STT3B: variants seen among roughly 807,000 people sequenced by gnomAD.
STT3B encodes the protein STT3 oligosaccharyltransferase complex catalytic subunit B, also known as dolichyl-diphosphooligosaccharide--protein glycosyltransferase subunit STT3B.
Under a neutral mutation model 96.8 loss-of-function variants are expected in STT3B, and 29 were observed. The observed-to-expected ratio is 0.30, with a 90% CI of 0.22 to 0.41. The LOEUF (loss-of-function observed/expected upper bound fraction) is 0.41. STT3B is among the 10% of genes least tolerant of loss of function. STT3B has a pLI of 1.00. For missense variants in STT3B, 640 were observed against 1,022.3 expected (o/e 0.63, Z 5.10); for synonymous variants, 367 against 360.0 (o/e 1.02, Z -0.22).
chr3:31,602,276 A>C (rs1698945012), intron 5 of STT3B, among the ~76,000 whole-genome samples: 1 of 152,130 alleles, frequency 6.6e-6, no homozygotes, highest in Non-Finnish European at 1.5e-5. Flanking sequence ...GGGATCCAGA[A>C]AGGAGAATAA....
intron 5 of STT3B, among the ~76,000 whole-genome samples, chr3:31,602,803 G>A (rs1314824087): frequency 1.3e-5 from 2 of 151,430 alleles, no homozygotes; most frequent in Non-Finnish European, 2.9e-5. Context: ...TGTTCATAAT[G>A]TTCAAATTCT....
intron 14 of STT3B, among the ~76,000 whole-genome samples, chr3:31,630,166 G>T (rs1005742617): frequency 1.3e-5 from 2 of 152,118 alleles, no homozygotes; most frequent in African/African-American, 2.4e-5. Context: ...AGTTAATTTT[G>T]AGCTGAAGGC....
At chr3:31,546,008 C>T (rs1302801435) in intron 1 of STT3B, among the ~76,000 whole-genome samples, 1 of 152,086 alleles carries the variant, frequency 6.6e-6, no homozygotes, top group African/African-American at 2.4e-5. Flanking sequence ...TCCTCTTTGA[C>T]TTTCATTTAT....
rs765124997 is a variant in STT3B at position 31,636,045 on chromosome 3, T to C, written c.2462T>C (p.Ile821Thr). The C allele has an allele frequency of 2.5e-6, 4 of 1,608,820 alleles. No homozygotes were observed. Among genetic ancestry groups the C allele is most frequent in the Admixed American group, 1.7e-5 (1 of 59,368 alleles). Residue 821 changes from isoleucine (I) to threonine (T), a missense_variant, in exon 16 of 16, where the codon ATA (isoleucine) becomes ACA (threonine). Physicochemically the swap from Ile to Thr is moderately conservative, Grantham distance 89. Transcript: ENST00000295770. Reference sequence around the variant, plus strand: ...CTGGTTTTTAAGAAAGGCAAGAAAATATCTAAGAAGACTGTTTAAATGCAC... The same window carrying C: ...CTGGTTTTTAAGAAAGGCAAGAAAACATCTAAGAAGACTGTTTAAATGCAC... Reference protein sequence around the residue: ...NKLVFKKGKKISKKTV With the variant: ...NKLVFKKGKKTSKKTV
At chr3:31,545,980 G>C (rs1697403080) in intron 1 of STT3B, among the ~76,000 whole-genome samples, 1 of 152,098 alleles carries the variant, frequency 6.6e-6, no homozygotes, top group African/African-American at 2.4e-5. Flanking sequence ...TTAAAAAATG[G>C]TATTAGCTTA....
rs143224410 is a variant in STT3B at position 31,608,901 on chromosome 3, G to C, written c.878-6204G>C. On this transcript the variant is annotated intron_variant, in intron 5 of 15. Coordinates refer to ENST00000295770, the MANE Select transcript of STT3B (RefSeq NM_178862.3). ...GGAGGCTGAGTTGGGTGGATCACGAGGTCAAGAGATCGAGACCATCCTGGC... is the reference window on the plus strand; with the variant it reads ...GGAGGCTGAGTTGGGTGGATCACGACGTCAAGAGATCGAGACCATCCTGGC... 4.4e-3 allele frequency among the ~76,000 whole-genome samples: 669 copies of C among 152,220 alleles called. 3 individuals are homozygous for C. Among genetic ancestry groups the C allele is most frequent in the African/African-American group, 0.014 (585 of 41,554 alleles).
chr3:31,595,332 A>C (rs1698761820), intron 3 of STT3B, among the ~76,000 whole-genome samples: 1 of 152,198 alleles, frequency 6.6e-6, no homozygotes. Flanking sequence ...TACCATACTT[A>C]CAAAGTCCTA....
At chr3:31,612,794 G>A (rs1220615091) in intron 5 of STT3B, among the ~76,000 whole-genome samples, 4 of 152,148 alleles carry the variant, frequency 2.6e-5, no homozygotes, top group Non-Finnish European at 5.9e-5. Context: ...TACCAAACAT[G>A]ATTGCTAAAA....
chr3:31,624,652 C>T (rs1054574899), intron 11 of STT3B, among the ~76,000 whole-genome samples: 1 of 147,986 alleles, frequency 6.8e-6, no homozygotes, highest in African/African-American at 2.5e-5. Context: ...TACCCCAGAA[C>T]TACTGAATCA....
intron 3 of STT3B, among the ~76,000 whole-genome samples, chr3:31,582,652 A>AT (rs1014655584): frequency 4.1e-4 from 60 of 146,332 alleles, no homozygotes; most frequent in South Asian, 6.5e-4. Context: ...TTGACTTGAG[A>AT]TTTTTTTTTT....
At chr3:31,598,608 A>T (rs1224683785) in intron 4 of STT3B, among the ~76,000 whole-genome samples, 1 of 152,198 alleles carries the variant, frequency 6.6e-6, no homozygotes, top group African/African-American at 2.4e-5. Flanking sequence ...GTAGTTAAAG[A>T]TCATGCATAA....
At chr3:31,614,277 G>A (rs568775529) in intron 5 of STT3B, among the ~76,000 whole-genome samples, 47 of 151,964 alleles carry the variant, frequency 3.1e-4, no homozygotes, top group Middle Eastern at 3.4e-3. Flanking sequence ...TAGTTTTTAC[G>A]TTAACTTATT....
At chr3:31,563,910 A>G (rs1197092046) in intron 1 of STT3B, among the ~76,000 whole-genome samples, 3 of 152,072 alleles carry the variant, frequency 2.0e-5, no homozygotes, top group East Asian at 1.9e-4. Flanking sequence ...GGTTCAAGCA[A>G]TTCTTCTGCC....
At chr3:31,598,812 C>CT (rs1396789758) in intron 4 of STT3B, among the ~76,000 whole-genome samples, 4,572 of 143,286 alleles carry the variant, frequency 0.032, 147 homozygotes, top group African/African-American at 0.082. Context: ...AATTTACTTA[C>CT]TTTTTTTTTT....
rs370825220 is a variant in STT3B, at chr3:31,614,474, ATACT to A, written c.878-628_878-625del. On this transcript the variant is annotated intron_variant, in intron 5 of 15. Transcript: ENST00000295770. Reference sequence around the variant, plus strand: ...TTTAGATTGATGAGAATACTATAACATACTTAGTGTGAAAAGAAGTGAGTTTCTT... The same window carrying A: ...TTTAGATTGATGAGAATACTATAACATAGTGTGAAAAGAAGTGAGTTTCTT... Among the ~76,000 whole-genome samples the A allele has an allele frequency of 5.3e-3, 808 of 152,076 alleles. 10 individuals carry two copies. The highest frequency in any genetic ancestry group is 0.018 in the African/African-American group (751 of 41,542).
chr3:31,620,535 T>C (rs2125474871), intron 9 of STT3B, among the ~76,000 whole-genome samples: 1 of 152,288 alleles, frequency 6.6e-6, no homozygotes, highest in Non-Finnish European at 1.5e-5. Flanking sequence ...AAGGATCACC[T>C]TTCACTAAAC....
chr3:31,590,245 A>T (rs1050570491), intron 3 of STT3B, among the ~76,000 whole-genome samples: 10 of 151,788 alleles, frequency 6.6e-5, no homozygotes, highest in African/African-American at 2.2e-4. Flanking sequence ...ATTAGTCTAG[A>T]TAAAGCTTAT....
intron 3 of STT3B, among the ~76,000 whole-genome samples, chr3:31,592,124 C>T (rs1459350543): frequency 6.6e-6 from 1 of 152,130 alleles, no homozygotes; most frequent in African/African-American, 2.4e-5. Context: ...CTCTCCTTTC[C>T]ACCTTCCCCT....
chr3:31,628,742 G>A (rs1699588965), intron 13 of STT3B, among the ~76,000 whole-genome samples: 1 of 152,184 alleles, frequency 6.6e-6, no homozygotes, highest in African/African-American at 2.4e-5. Flanking sequence ...CTGAAAAGGA[G>A]TAACGGAGAT....
Sources: allele counts gnomAD v4.1 joint callset (sites outside exome capture counted in the v4.1 genomes callset), GRCh38; gene constraint gnomAD v4.1.1; transcripts MANE v1.5; gene names NCBI Gene and HGNC (gene_info 2026-07-23, HGNC 2026-07-21).